PARD3B: variants seen among roughly 807,000 people sequenced by gnomAD.
The protein encoded by PARD3B is par-3 family cell polarity regulator beta, also known as partitioning defective 3 homolog B.
In PARD3B, 103 loss-of-function variants were observed where a neutral mutation model predicts 130.2. The ratio of observed to expected loss-of-function variants is 0.79; its 90% confidence interval spans 0.67 to 0.93. The LOEUF is 0.93. Among genes scored for constraint, PARD3B ranks in the 40% least tolerant of loss-of-function variants. The probability of loss-of-function intolerance (pLI) is 0.00; values close to 1 mark genes in which losing one functional copy is unlikely to be tolerated. For missense variants in PARD3B, 1,609 were observed against 1,499.2 expected (o/e 1.07, Z -1.21); for synonymous variants, 583 against 553.2 (o/e 1.05, Z -0.76).
Position 205,563,222 on chromosome 2 carries a change from G to A in PARD3B, c.3260+9819G>A, listed in dbSNP as rs1341398114. Reference sequence around the variant, plus strand: ...ATGTTTATTCCTAAACTAGTTGATTGTATTTAAATAGAAAATAAAACTAAG... The same window carrying A: ...ATGTTTATTCCTAAACTAGTTGATTATATTTAAATAGAAAATAAAACTAAG... On this transcript the variant is annotated intron_variant, in intron 22 of 22. Coordinates refer to ENST00000406610, the MANE Select transcript of PARD3B (RefSeq NM_001302769.2). This position sits in a 1 kb window ranked among gnomAD's most constrained non-coding sequence, Gnocchi z 4.2. Among the ~76,000 whole-genome samples, 2 of 152,168 alleles carry A rather than the reference G, an allele frequency of 1.3e-5. No individual in the cohort carries two copies. Among genetic ancestry groups the A allele is most frequent in the African/African-American group, 4.8e-5 (2 of 41,440 alleles).
chr2:204,724,188 G>T (rs1236863680), intron 2 of PARD3B, among the ~76,000 whole-genome samples: 1 of 151,952 alleles, frequency 6.6e-6, no homozygotes, highest in Non-Finnish European at 1.5e-5. Context: ...AGATATAGTT[G>T]GTTTTGTTAA....
At chr2:204,609,816 T>C (rs916096143) in intron 1 of PARD3B, among the ~76,000 whole-genome samples, 1 of 151,952 alleles carries the variant, frequency 6.6e-6, no homozygotes, top group Non-Finnish European at 1.5e-5. Flanking sequence ...CTAGAAAGGG[T>C]CTTTCCTTTA....
intron 2 of PARD3B, among the ~76,000 whole-genome samples, chr2:204,779,134 C>T (rs997775280): frequency 6.6e-6 from 1 of 152,126 alleles, no homozygotes; most frequent in Non-Finnish European, 1.5e-5. Flanking sequence ...TCAACTTCTC[C>T]TCCCCCTCAG....
chr2:205,397,716 C>G lies in PARD3B; in HGVS notation c.2631-3297C>G, dbSNP rs995965999. Among the ~76,000 whole-genome samples, 4 of 152,132 alleles carry G rather than the reference C, an allele frequency of 2.6e-5. No homozygotes were observed. The highest frequency in any genetic ancestry group is 5.9e-5 in the Non-Finnish European group (4 of 68,034). ...TGGCAAAATTTTTGCCCTCATCAAC[C>G]TCCTAAAGCATTATTTCTACCCTGA... On this transcript the variant is annotated intron_variant, in intron 18 of 22. Transcript: ENST00000406610. The surrounding 1 kb of genome is among the most constrained non-coding windows in gnomAD (Gnocchi z 4.8).
chr2:205,029,171 C>T (rs1464734253), intron 3 of PARD3B, among the ~76,000 whole-genome samples: 1 of 152,118 alleles, frequency 6.6e-6, no homozygotes. Flanking sequence ...TAAAAATGTT[C>T]ACAAATATAT....
chr2:204,976,306 C>G (rs935166774), intron 3 of PARD3B, among the ~76,000 whole-genome samples: 12 of 152,148 alleles, frequency 7.9e-5, no homozygotes, highest in Non-Finnish European at 1.3e-4. Flanking sequence ...CTGCCTGGGT[C>G]AAATATGGCA....
intron 19 of PARD3B, among the ~76,000 whole-genome samples, chr2:205,412,807 G>A (rs536892788): frequency 5.5e-4 from 83 of 152,230 alleles, no homozygotes; most frequent in African/African-American, 1.8e-3. Context: ...ATGAAACCTC[G>A]CTTTCTCCAT....
At chr2:205,177,649 T>C (rs899349443) in intron 13 of PARD3B, among the ~76,000 whole-genome samples, 1 of 152,154 alleles carries the variant, frequency 6.6e-6, no homozygotes, top group Non-Finnish European at 1.5e-5. Flanking sequence ...AAATCTGAGG[T>C]GGCTCTAGAA....
At chr2:205,231,965 C>A (rs1015474309) in intron 15 of PARD3B, among the ~76,000 whole-genome samples, 4 of 152,304 alleles carry the variant, frequency 2.6e-5, no homozygotes, top group Non-Finnish European at 4.4e-5. Context: ...TTTGTTCCCA[C>A]CCACAAGATT....
intron 2 of PARD3B, among the ~76,000 whole-genome samples, chr2:204,878,202 G>T (rs912168899): frequency 6.6e-6 from 1 of 152,142 alleles, no homozygotes. Flanking sequence ...ACTTTGATAT[G>T]TCAGAAAAGC....
At chr2:205,369,976 C>T (rs1049929928) in intron 18 of PARD3B, among the ~76,000 whole-genome samples, 1 of 152,192 alleles carries the variant, frequency 6.6e-6, no homozygotes, top group Non-Finnish European at 1.5e-5. Flanking sequence ...TGGCTCATGG[C>T]TCCTCCTAGA....
At chr2:205,586,345 G>C (rs760097424) in intron 22 of PARD3B, among the ~76,000 whole-genome samples, 7 of 152,136 alleles carry the variant, frequency 4.6e-5, no homozygotes, top group Non-Finnish European at 8.8e-5. Flanking sequence ...ATTTTGACTG[G>C]ACTGCAGCTC....
Position 205,576,730 on chromosome 2 carries a change from G to A in PARD3B, c.3260+23327G>A, listed in dbSNP as rs73060185. Among the ~76,000 whole-genome samples, 1,216 of 152,116 alleles carry A rather than the reference G, an allele frequency of 8.0e-3. 17 individuals are homozygous for A. Among genetic ancestry groups the A allele is most frequent in the African/African-American group, 0.026 (1,075 of 41,496 alleles). On this transcript the variant is annotated intron_variant, in intron 22 of 22. Transcript: ENST00000406610. ...GTAAATCTTAAAGTTGGCTATTATCGGTTCTCTAAGTTTATTCTTCTCCTT... is the reference window on the plus strand; with the variant it reads ...GTAAATCTTAAAGTTGGCTATTATCAGTTCTCTAAGTTTATTCTTCTCCTT...
At chr2:204,927,564 T>G (rs745316846) in intron 2 of PARD3B, among the ~76,000 whole-genome samples, 5 of 152,202 alleles carry the variant, frequency 3.3e-5, no homozygotes, top group Non-Finnish European at 7.4e-5. Flanking sequence ...AACATAATTC[T>G]GTTTTGGAAA....
intron 2 of PARD3B, among the ~76,000 whole-genome samples, chr2:204,848,090 A>G (rs1320185074): frequency 1.3e-5 from 2 of 152,170 alleles, no homozygotes; most frequent in African/African-American, 4.8e-5. Flanking sequence ...ATTACAGTGT[A>G]TTGTTATAAT....
chr2:204,681,155 T>C (rs1044373651), intron 1 of PARD3B, among the ~76,000 whole-genome samples: 4 of 152,200 alleles, frequency 2.6e-5, no homozygotes, highest in Non-Finnish European at 4.4e-5. Context: ...TTGAGCCTTT[T>C]ATCATGATTG....
At chr2:204,731,841 G>A (rs888797138) in intron 2 of PARD3B, among the ~76,000 whole-genome samples, 1 of 152,102 alleles carries the variant, frequency 6.6e-6, no homozygotes, top group African/African-American at 2.4e-5. Context: ...AACCTTTTCT[G>A]ACCAGACGAG....
intron 1 of PARD3B, among the ~76,000 whole-genome samples, chr2:204,659,781 A>G (rs535832715): frequency 6.6e-6 from 1 of 152,290 alleles, no homozygotes; most frequent in African/African-American, 2.4e-5. Flanking sequence ...GTACTTTCAT[A>G]CATTATTTAA....
intron 2 of PARD3B, among the ~76,000 whole-genome samples, chr2:204,761,779 T>C (rs2125408737): frequency 6.6e-6 from 1 of 152,292 alleles, no homozygotes; most frequent in South Asian, 2.1e-4. Context: ...TTGGCTTTAA[T>C]GAAAGACCAT....
Sources: gnomAD v4.1 joint callset for allele counts (sites outside exome capture counted in the v4.1 genomes callset) on GRCh38, gnomAD v4.1.1 for gene constraint, Gnocchi (gnomAD v3.1) non-coding constraint, MANE v1.5 for transcripts, NCBI Gene and HGNC (gene_info 2026-07-23, HGNC 2026-07-21) for gene names.